Variants in PACS1 observed in about 807,000 individuals in gnomAD.
PACS1 encodes phosphofurin acidic cluster sorting protein 1.
PACS1 carries 24 observed loss-of-function variants against 115.0 expected under a neutral mutation model. The observed-to-expected ratio is 0.21, with a 90% CI of 0.15 to 0.29. The LOEUF is 0.29. Ranked by LOEUF, PACS1 falls within the 10% of genes least tolerant of loss-of-function variation. The pLI is 1.00. For synonymous variants in PACS1, 453 were observed against 504.5 expected, an observed-to-expected ratio of 0.90 and a Z score of 1.37; for missense variants, 838 against 1,251.2, an observed-to-expected ratio of 0.67 and a Z score of 4.98.
intron 1 of PACS1, among the ~76,000 whole-genome samples, chr11:66,101,224 T>C (rs1489775419): frequency 6.6e-6 from 1 of 152,222 alleles, no homozygotes; most frequent in Admixed American, 6.5e-5. Flanking sequence ...TCTACTGGTA[T>C]ATAGGTATGC....
intron 2 of PACS1, among the ~76,000 whole-genome samples, chr11:66,195,491 C>T (rs939204816): frequency 1.3e-5 from 2 of 152,146 alleles, no homozygotes; most frequent in African/African-American, 2.4e-5. Flanking sequence ...TGTCCTGTGC[C>T]GACACCATTG....
intron 1 of PACS1, among the ~76,000 whole-genome samples, chr11:66,162,863 A>C (rs1859524140): frequency 6.6e-6 from 1 of 152,232 alleles, no homozygotes; most frequent in South Asian, 2.1e-4. Flanking sequence ...GGGTTGGAGA[A>C]GTCAAAGATA....
At chr11:66,217,922 G>A (rs1855251064) in intron 7 of PACS1, 1 of 243,446 alleles carries the variant, frequency 4.1e-6, no homozygotes, top group South Asian at 4.3e-5. Flanking sequence ...CTCTTCCTAC[G>A]TGGGGTCTCT....
chr11:66,123,114 C>T (rs1858481983), intron 1 of PACS1, among the ~76,000 whole-genome samples: 1 of 151,902 alleles, frequency 6.6e-6, no homozygotes. Context: ...GATCAGTCAG[C>T]AGCCATCAAC....
intron 1 of PACS1, among the ~76,000 whole-genome samples, chr11:66,181,501 A>C (rs1652433657): frequency 6.6e-6 from 1 of 152,062 alleles, no homozygotes; most frequent in South Asian, 2.1e-4. Context: ...GACGTAAGCC[A>C]CCCCACCCGG....
intron 5 of PACS1, 26 bp from the exon 6 acceptor site, chr11:66,216,494 T>C (rs372472747): frequency 1.9e-5 from 31 of 1,591,680 alleles, no homozygotes; most frequent in East Asian, 2.2e-5. Context: ...CATTGCAAGG[T>C]TATCTTACTC....
At chr11:66,095,276 A>ATGAT (rs1857754603) in intron 1 of PACS1, among the ~76,000 whole-genome samples, 2 of 152,044 alleles carry the variant, frequency 1.3e-5, no homozygotes, top group South Asian at 4.2e-4. Flanking sequence ...TGCAGATGAC[A>ATGAT]TGATTGTATA....
intron 1 of PACS1, among the ~76,000 whole-genome samples, chr11:66,073,293 T>C (rs1225259238): frequency 6.6e-6 from 1 of 152,258 alleles, no homozygotes; most frequent in Non-Finnish European, 1.5e-5. Context: ...CTTGTTCATG[T>C]TGTTTAGAAT....
intron 1 of PACS1, among the ~76,000 whole-genome samples, chr11:66,098,218 T>G (rs1857831164): frequency 6.6e-6 from 1 of 152,166 alleles, no homozygotes; most frequent in Non-Finnish European, 1.5e-5. Context: ...ATCAATATGT[T>G]TGTCTTTTTA....
At chr11:66,140,603 TA>T (rs1858956868) in intron 1 of PACS1, among the ~76,000 whole-genome samples, 1 of 152,158 alleles carries the variant, frequency 6.6e-6, no homozygotes, top group Non-Finnish European at 1.5e-5. Context: ...TCAAAAGATA[TA>T]GAAGGAGATA....
At chr11:66,162,890 C>T (rs1256755305) in intron 1 of PACS1, among the ~76,000 whole-genome samples, 3 of 152,156 alleles carry the variant, frequency 2.0e-5, no homozygotes, top group African/African-American at 7.2e-5. Context: ...TAGATATCAG[C>T]AATCCTGATG....
intron 1 of PACS1, among the ~76,000 whole-genome samples, chr11:66,190,452 G>C (rs1289872822): frequency 6.6e-6 from 1 of 152,140 alleles, no homozygotes; most frequent in Non-Finnish European, 1.5e-5. Flanking sequence ...TTGAGATGGA[G>C]TCTCCCTCTG....
Position 66,234,254 on chromosome 11 carries a change from G to A in PACS1, c.2104+12G>A, listed in dbSNP as rs770094931. ...GCCACCAGTGTCAGGTAATGGCCCC[G>A]TGTAAGGAGCTTACTCCCACCCCCG... On this transcript the variant is annotated intron_variant, in intron 17 of 23. Transcript: ENST00000320580. 6.3e-6 allele frequency: 10 copies of A among 1,584,312 alleles called. No homozygotes were observed. The African/African-American group carries it at 9.4e-5, about 15-fold the overall frequency.
intron 1 of PACS1, among the ~76,000 whole-genome samples, chr11:66,170,447 T>C (rs989185596): frequency 2.0e-5 from 3 of 150,472 alleles, no homozygotes; most frequent in Non-Finnish European, 4.4e-5. Flanking sequence ...TTTTGATACG[T>C]CATATTTTAG....
intron 1 of PACS1, among the ~76,000 whole-genome samples, chr11:66,088,826 G>C (rs1857613858): frequency 1.3e-5 from 2 of 152,068 alleles, no homozygotes; most frequent in Non-Finnish European, 2.9e-5. Flanking sequence ...TGATCTCTAT[G>C]GATTGATGTG....
At chr11:66,191,667 T>C (rs1590808618) in intron 1 of PACS1, among the ~76,000 whole-genome samples, 1 of 152,228 alleles carries the variant, frequency 6.6e-6, no homozygotes, top group South Asian at 2.1e-4. Context: ...TGATTTTGAT[T>C]CTAGCTTAAA....
chr11:66,073,214 G>A (rs1459947793), intron 1 of PACS1, among the ~76,000 whole-genome samples: 2 of 152,216 alleles, frequency 1.3e-5, no homozygotes, highest in Admixed American at 1.3e-4. Flanking sequence ...TCTGTGGGGA[G>A]AAAATGGCCT....
At chr11:66,198,984 T>C (rs1185487895) in intron 2 of PACS1, among the ~76,000 whole-genome samples, 1 of 152,198 alleles carries the variant, frequency 6.6e-6, no homozygotes, top group East Asian at 1.9e-4. Flanking sequence ...TTGATAGATA[T>C]ACCTACATAC....
chr11:66,230,744 C>T, intron 12 of PACS1, 61 bp from the exon 13 acceptor site: 1 of 1,612,680 alleles, frequency 6.2e-7, no homozygotes. Context: ...GAAAGCGGGG[C>T]TGGCAGCAGC....
Sources: gnomAD v4.1 joint callset for allele counts (sites outside exome capture counted in the v4.1 genomes callset) on GRCh38, gnomAD v4.1.1 for gene constraint, MANE v1.5 for transcripts, NCBI Gene and HGNC (gene_info 2026-07-23, HGNC 2026-07-21) for gene names.